Variants in ZMYM2 observed in about 807,000 individuals in gnomAD.
ZMYM2 encodes the protein zinc finger MYM-type protein 2.
ZMYM2 carries 56 observed loss-of-function variants against 162.8 expected under a neutral mutation model. That is an observed-to-expected ratio of 0.34 (90% CI 0.28 to 0.43). The LOEUF (loss-of-function observed/expected upper bound fraction) is 0.43. Among genes scored for constraint, ZMYM2 ranks in the 20% least tolerant of loss-of-function variants. ZMYM2 has a pLI of 1.00. For missense variants in ZMYM2, 1,275 were observed against 1,621.8 expected (o/e 0.79, Z 3.67); for synonymous variants, 510 against 541.6 (o/e 0.94, Z 0.81).
At chr13:19,888,520 T>A in the ZMYM2 span, among the ~76,000 whole-genome samples, 1 of 151,796 alleles carries the variant, frequency 6.6e-6, no homozygotes, top group African/African-American at 2.4e-5. Flanking sequence ...AACTGATCTG[T>A]TATTTTATTT....
the ZMYM2 span, among the ~76,000 whole-genome samples, chr13:19,868,943 G>A: frequency 1.6e-4 from 25 of 151,974 alleles, no homozygotes; most frequent in Admixed American, 4.6e-4. Context: ...TAGAGACGGG[G>A]TTTCACCACA....
At position 20,086,029 on chromosome 13, in the gene ZMYM2, G is replaced by A. The variant is rs757831520; in HGVS notation, c.*15G>A. On this transcript the variant is annotated 3_prime_UTR_variant, in exon 25 of 25. Transcript: ENST00000610343. Reference sequence around the variant, plus strand: ...ACACAGACTAAAAAGGAACGTTGCAGAAGCAATCGGGATAAAACAGCATTA... The same window carrying A: ...ACACAGACTAAAAAGGAACGTTGCAAAAGCAATCGGGATAAAACAGCATTA... 6.2e-7 allele frequency: 1 copy of A among 1,610,264 alleles called. No individual in the cohort carries two copies. The highest frequency in any genetic ancestry group is 8.5e-7 in the Non-Finnish European group (1 of 1,178,262).
intron 2 of ZMYM2, 118 bp downstream of exon 2, chr13:19,960,144 C>T (rs992700838): frequency 1.3e-5 from 2 of 152,256 alleles, no homozygotes; most frequent in African/African-American, 2.4e-5. Context: ...CCTTGGGTGG[C>T]AGCTGCCCCC....
chr13:19,993,729 A>C lies in ZMYM2; in HGVS notation c.657A>C (p.Ser219=), dbSNP rs767195502. The C allele has an allele frequency of 1.2e-6, 2 of 1,614,030 alleles. No individual in the cohort carries two copies. The highest frequency in any genetic ancestry group is 2.2e-5 in the South Asian group (2 of 91,078). Residue 219 remains serine (S), a synonymous_variant, in exon 3 of 25, where the codon TCA becomes TCC. Coordinates refer to ENST00000610343, the MANE Select transcript of ZMYM2 (RefSeq NM_197968.4). ...DMNLMITHVT[S]LQNTNLGDVS... ...ACTTAATGATTACACATGTAACATC[A>C]CTGCAGAATACCAACTTGGGAGATG...
At chr13:19,970,137 A>G (rs1367028840) in intron 2 of ZMYM2, 2 of 815,072 alleles carry the variant, frequency 2.5e-6, no homozygotes, top group Non-Finnish European at 3.0e-6. Context: ...GTTATCAAAA[A>G]CAGTCATTAC....
At chr13:20,082,320 A>G (rs1957965350) in intron 22 of ZMYM2, among the ~76,000 whole-genome samples, 190 bp downstream of exon 22, 1 of 152,194 alleles carries the variant, frequency 6.6e-6, no homozygotes, top group South Asian at 2.1e-4. Flanking sequence ...GTGTTTATGA[A>G]GAACTTTGTA....
the ZMYM2 span, among the ~76,000 whole-genome samples, chr13:19,952,766 G>A: frequency 6.3e-4 from 96 of 151,814 alleles, no homozygotes; most frequent in Admixed American, 5.1e-3. Flanking sequence ...GAGAGAAGAA[G>A]GGATTTTCCT....
intron 2 of ZMYM2, among the ~76,000 whole-genome samples, chr13:19,979,039 CCT>C (rs746581287): frequency 2.4e-4 from 36 of 152,056 alleles, no homozygotes; most frequent in Non-Finnish European, 3.4e-4. Flanking sequence ...TTTTTTCCCC[CCT>C]CTTTCTGTTA....
At chr13:19,965,300 A>AT in intron 2 of ZMYM2, 1 of 1,286,804 alleles carries the variant, frequency 7.8e-7, no homozygotes, top group African/African-American at 1.5e-5. Context: ...TGACAACTAA[A>AT]TTTTTGGGTT....
chr13:20,068,608 T>C (rs1182905015), intron 21 of ZMYM2, among the ~76,000 whole-genome samples: 1 of 152,162 alleles, frequency 6.6e-6, no homozygotes, highest in African/African-American at 2.4e-5. Flanking sequence ...ATGTGTGTAT[T>C]TTCCCTCCTC....
intron 12 of ZMYM2, among the ~76,000 whole-genome samples, chr13:20,046,691 G>A (rs1954862871): frequency 2.0e-5 from 3 of 149,768 alleles, no homozygotes; most frequent in Admixed American, 1.3e-4. Flanking sequence ...ATGTATATAT[G>A]TGTGTGTGTG....
the ZMYM2 span, among the ~76,000 whole-genome samples, chr13:19,939,543 T>A: frequency 6.6e-6 from 1 of 152,238 alleles, no homozygotes; most frequent in African/African-American, 2.4e-5. Flanking sequence ...TCATCTGCAT[T>A]GGTTGCTAAC....
intron 6 of ZMYM2, among the ~76,000 whole-genome samples, chr13:20,018,838 G>A (rs899334420): frequency 6.6e-6 from 1 of 152,120 alleles, no homozygotes; most frequent in Non-Finnish European, 1.5e-5. Flanking sequence ...GCAGCACTTT[G>A]GGAGGCCCAG....
At chr13:20,049,685 T>TA (rs1322784889) in intron 12 of ZMYM2, among the ~76,000 whole-genome samples, 7 of 152,196 alleles carry the variant, frequency 4.6e-5, no homozygotes, top group Admixed American at 4.6e-4. Flanking sequence ...TATTTGACCT[T>TA]AGTCAAGTCA....
At chr13:20,025,482 A>ACAAAAAAAATACACCCCCAC (rs1952495322) in intron 7 of ZMYM2, 1 of 167,736 alleles carries the variant, frequency 6.0e-6, no homozygotes. Flanking sequence ...GCAGTTCTCT[A>ACAAAAAAAATACACCCCCAC]CAAAAAAAAT....
the ZMYM2 span, among the ~76,000 whole-genome samples, chr13:19,882,002 A>T: frequency 3.8e-5 from 5 of 130,162 alleles, no homozygotes; most frequent in Non-Finnish European, 6.9e-5. Flanking sequence ...AAAAAAAAAA[A>T]TTTGTATATT....
the ZMYM2 span, among the ~76,000 whole-genome samples, chr13:19,912,035 T>C: frequency 6.6e-5 from 10 of 152,232 alleles, no homozygotes; most frequent in East Asian, 1.9e-3. Context: ...TGTCATTAGC[T>C]TAACCAGGTG....
At chr13:19,896,887 A>G in the ZMYM2 span, among the ~76,000 whole-genome samples, 1 of 150,784 alleles carries the variant, frequency 6.6e-6, no homozygotes, top group Non-Finnish European at 1.5e-5. Flanking sequence ...AGCCTGACCA[A>G]CATGGTGAAA....
At position 20,059,447 on chromosome 13, in the gene ZMYM2, A is replaced by G. The variant is rs752092349; in HGVS notation, c.2624A>G (p.Asp875Gly). 2.5e-6 allele frequency: 4 copies of G among 1,612,930 alleles called. No homozygotes were observed. The highest frequency in any genetic ancestry group is 1.7e-6 in the Non-Finnish European group (2 of 1,179,148). Reference protein sequence around the residue: ...PHMQTKSCQTDDTWRTEYVPV... With the variant: ...PHMQTKSCQTGDTWRTEYVPV... The stretch of plus-strand genomic sequence containing the variant: ...CCTTAAATATGTTTTGTGTTTTTAG[A>G]TGATACTTGGAGGACAGAATATGTT... The change falls in exon 16 of 25, where the codon GAT becomes GGT. Residue 875 changes from aspartate (D) to glycine (G), a missense_variant and splice_region_variant. By Grantham distance (94) the Asp-to-Gly change is moderately conservative. This residue lies in a region of ZMYM2 where 177 missense variants were observed against 228.0 expected (regional missense o/e 0.78). Coordinates refer to ENST00000610343, the MANE Select transcript of ZMYM2 (RefSeq NM_197968.4).
Sources: allele counts gnomAD v4.1 joint callset (sites outside exome capture counted in the v4.1 genomes callset), GRCh38; gene constraint gnomAD v4.1.1; regional missense constraint gnomAD v4.1.1; transcripts MANE v1.5; gene names NCBI Gene and HGNC (gene_info 2026-07-23, HGNC 2026-07-21).